Variants in ITFG1 observed in about 807,000 individuals in gnomAD.
ITFG1 encodes the protein T-cell immunomodulatory protein.
A neutral mutation model predicts 81.8 loss-of-function variants in ITFG1; 34 were observed. That is an observed-to-expected ratio of 0.42 (90% confidence interval 0.32 to 0.55). The LOEUF (loss-of-function observed/expected upper bound fraction) is 0.55. Ranked by LOEUF, ITFG1 falls within the 20% of genes least tolerant of loss-of-function variation. The pLI, the probability that ITFG1 is intolerant of heterozygous loss-of-function variation, is 0.17. For missense variants in ITFG1, 672 were observed against 755.4 expected, an observed-to-expected ratio of 0.89 and a Z score of 1.29; for synonymous variants, 285 against 270.6, an observed-to-expected ratio of 1.05 and a Z score of -0.52.
At chr16:47,182,137 T>G (rs189379750) in intron 14 of ITFG1, among the ~76,000 whole-genome samples, 1 of 151,208 alleles carries the variant, frequency 6.6e-6, no homozygotes, top group African/African-American at 2.4e-5. Context: ...CCTATGACCC[T>G]GTCAAATCCC....
chr16:47,271,286 C>G (rs1011661127), intron 10 of ITFG1, among the ~76,000 whole-genome samples: 2 of 151,858 alleles, frequency 1.3e-5, no homozygotes, highest in East Asian at 1.9e-4. Flanking sequence ...AGACAAATAA[C>G]CCAATTATTA....
At chr16:47,310,733 C>T (rs974790363) in intron 10 of ITFG1, among the ~76,000 whole-genome samples, 1 of 152,126 alleles carries the variant, frequency 6.6e-6, no homozygotes, top group Admixed American at 6.5e-5. Flanking sequence ...CCAAGAGTAT[C>T]TTTCTAAGTG....
At chr16:47,436,298 A>T (rs1969165919) in intron 5 of ITFG1, among the ~76,000 whole-genome samples, 1 of 152,200 alleles carries the variant, frequency 6.6e-6, no homozygotes, top group South Asian at 2.1e-4. Context: ...TAATAAAATT[A>T]AAAACAAATC....
At chr16:47,416,731 G>A (rs1968880300) in intron 6 of ITFG1, among the ~76,000 whole-genome samples, 5 of 152,060 alleles carry the variant, frequency 3.3e-5, no homozygotes, top group Admixed American at 3.3e-4. Flanking sequence ...AACATTGGTG[G>A]AAGCCTCCTG....
chr16:47,430,050 T>C (rs999854785), intron 5 of ITFG1, among the ~76,000 whole-genome samples: 1 of 151,150 alleles, frequency 6.6e-6, no homozygotes, highest in South Asian at 2.1e-4. Flanking sequence ...GTTGTCTTTT[T>C]ACTTTTCTTT....
intron 8 of ITFG1, among the ~76,000 whole-genome samples, chr16:47,321,564 T>C (rs1280799117): frequency 6.6e-6 from 1 of 152,164 alleles, no homozygotes; most frequent in African/African-American, 2.4e-5. Context: ...TGGTGGTACA[T>C]GTTAGTTCCA....
chr16:47,164,384 C>T (rs1964858832), intron 14 of ITFG1, among the ~76,000 whole-genome samples: 1 of 152,188 alleles, frequency 6.6e-6, no homozygotes. Context: ...ATCTCCCACC[C>T]TTTGTCAAAG....
At chr16:47,350,371 A>T (rs889306800) in intron 8 of ITFG1, among the ~76,000 whole-genome samples, 1 of 152,190 alleles carries the variant, frequency 6.6e-6, no homozygotes, top group Admixed American at 6.5e-5. Flanking sequence ...ATAAAAAATG[A>T]TAAAGGGGAT....
At chr16:47,300,994 G>A (rs1018646891) in intron 10 of ITFG1, among the ~76,000 whole-genome samples, 3 of 152,144 alleles carry the variant, frequency 2.0e-5, no homozygotes, top group African/African-American at 7.2e-5. Context: ...TCATAAATAA[G>A]TAGACTATAT....
chr16:47,208,434 G>A (rs910053802), intron 14 of ITFG1, among the ~76,000 whole-genome samples: 1 of 152,176 alleles, frequency 6.6e-6, no homozygotes, highest in African/African-American at 2.4e-5. Context: ...GAGTCTTTAA[G>A]CCTCATATAT....
chr16:47,331,542 G>A (rs555858708), intron 8 of ITFG1, among the ~76,000 whole-genome samples: 2 of 152,232 alleles, frequency 1.3e-5, no homozygotes, highest in Admixed American at 1.3e-4. Context: ...TACAGTGAAC[G>A]TTGATAAAAA....
chr16:47,424,556 CA>C (rs1279756004), intron 6 of ITFG1, among the ~76,000 whole-genome samples: 2 of 152,194 alleles, frequency 1.3e-5, no homozygotes, highest in African/African-American at 4.8e-5. Context: ...GGTTTCTCCC[CA>C]TCTTTGTGGT....
intron 10 of ITFG1, among the ~76,000 whole-genome samples, chr16:47,276,983 A>G (rs1357574280): frequency 6.6e-6 from 1 of 152,206 alleles, no homozygotes; most frequent in Non-Finnish European, 1.5e-5. Flanking sequence ...AAGATCGAGA[A>G]AAGCTGAGAT....
chr16:47,434,568 T>C (rs900284972), intron 5 of ITFG1, among the ~76,000 whole-genome samples: 7 of 152,084 alleles, frequency 4.6e-5, no homozygotes, highest in African/African-American at 1.2e-4. Flanking sequence ...GGCAAGGTTG[T>C]GGAGAAAAAG....
chr16:47,456,141 A>C (rs1969449925), intron 2 of ITFG1, among the ~76,000 whole-genome samples: 1 of 152,070 alleles, frequency 6.6e-6, no homozygotes, highest in Non-Finnish European at 1.5e-5. Context: ...AGGTGCCTAC[A>C]GTGAGCTATG....
chr16:47,205,442 T>C (rs993988576), intron 14 of ITFG1, among the ~76,000 whole-genome samples: 11 of 152,176 alleles, frequency 7.2e-5, no homozygotes, highest in African/African-American at 2.4e-4. Context: ...GTGCACTCAA[T>C]GCAAGTCAGT....
At chr16:47,402,525 C>G (rs959667426) in intron 6 of ITFG1, among the ~76,000 whole-genome samples, 7 of 152,180 alleles carry the variant, frequency 4.6e-5, no homozygotes, top group African/African-American at 1.7e-4. Flanking sequence ...ACAACCATTG[C>G]TCCCCACAGC....
intron 6 of ITFG1, among the ~76,000 whole-genome samples, chr16:47,422,907 TG>T (rs1243822467): frequency 6.6e-6 from 1 of 152,168 alleles, no homozygotes; most frequent in Non-Finnish European, 1.5e-5. Context: ...TCTGTTGATT[TG>T]GGGTGGACAG....
chr16:47,353,059 T>C (rs562399643), intron 8 of ITFG1, among the ~76,000 whole-genome samples: 20 of 139,268 alleles, frequency 1.4e-4, no homozygotes, highest in Non-Finnish European at 2.3e-4. Flanking sequence ...GGGCCTGTTG[T>C]GGGGTAGGGT....
Sources: gnomAD v4.1 joint callset for allele counts (sites outside exome capture counted in the v4.1 genomes callset) on GRCh38, gnomAD v4.1.1 for gene constraint, MANE v1.5 for transcripts, NCBI Gene and HGNC (gene_info 2026-07-23, HGNC 2026-07-21) for gene names.